KCNJ6: variants seen among roughly 807,000 people sequenced by gnomAD.
KCNJ6 encodes the protein potassium inwardly rectifying channel subfamily J member 6, also known as G protein-activated inward rectifier potassium channel 2.
A neutral mutation model predicts 34.2 loss-of-function variants in KCNJ6; 9 were observed. That is an observed-to-expected ratio of 0.26 (90% CI 0.16 to 0.46). KCNJ6 has a LOEUF of 0.46. Ranked by LOEUF, KCNJ6 falls within the 20% of genes least tolerant of loss-of-function variation. The probability of loss-of-function intolerance (pLI) is 1.00; values close to 1 mark genes in which losing one functional copy is unlikely to be tolerated. For missense variants in KCNJ6, 236 were observed against 531.3 expected, an observed-to-expected ratio of 0.44 and a Z score of 5.46; for synonymous variants, 196 against 207.1, an observed-to-expected ratio of 0.95 and a Z score of 0.46.
At chr21:37,912,238 G>A (rs983326300) in intron 1 of KCNJ6, among the ~76,000 whole-genome samples, 27 of 152,322 alleles carry the variant, frequency 1.8e-4, no homozygotes, top group Non-Finnish European at 7.4e-5. Flanking sequence ...CTTGAAATGA[G>A]TAAACCAATT....
chr21:37,854,420 C>T lies in KCNJ6; in HGVS notation c.-27-13711G>A, dbSNP rs1327718151. Among the ~76,000 whole-genome samples, 3 of 151,400 alleles carry T rather than the reference C, an allele frequency of 2.0e-5. No homozygotes were observed. The East Asian group carries it at 5.8e-4, about 29-fold the overall frequency. ...AGGCGCAGAAAGAAAAATATATGTCCTCACTCATACTTGAGAGCTAAAAAA... is the reference window on the plus strand; with the variant it reads ...AGGCGCAGAAAGAAAAATATATGTCTTCACTCATACTTGAGAGCTAAAAAA... On this transcript the variant is annotated intron_variant, in intron 1 of 3. Coordinates refer to ENST00000609713, the MANE Select transcript of KCNJ6 (RefSeq NM_002240.5).
rs140556055 is a variant in KCNJ6 at position 37,844,996 on chromosome 21, A to G, written c.-27-4287T>C. 4.5e-3 allele frequency among the ~76,000 whole-genome samples: 679 copies of G among 152,204 alleles called. 3 individuals carry two copies. The highest frequency in any genetic ancestry group is 7.7e-3 in the Non-Finnish European group (524 of 68,008). ...ACCTCCCTAGGAACCTGGACAAGTC[A>G]TTTTACTTTTGGAGCTACTGTTTCC... is the stretch of plus-strand genomic sequence containing the variant. On this transcript the variant is annotated intron_variant, in intron 1 of 3. Coordinates refer to ENST00000609713, the MANE Select transcript of KCNJ6 (RefSeq NM_002240.5).
At chr21:37,734,769 T>C (rs1210028194) in intron 2 of KCNJ6, among the ~76,000 whole-genome samples, 1 of 152,150 alleles carries the variant, frequency 6.6e-6, no homozygotes, top group Non-Finnish European at 1.5e-5. Context: ...TTGCCCACTC[T>C]GTCTCCCTCT....
At position 37,818,620 on chromosome 21, in the gene KCNJ6, C is replaced by T. The variant is rs777717732; in HGVS notation, c.25+22038G>A. On this transcript the variant is annotated intron_variant, in intron 2 of 3. Transcript: ENST00000609713. ...ATAATTTCTCCATAACGATAAGACT[C>T]GTCTCCCCCAACCCAACTGCCTTTC... 7.9e-4 allele frequency among the ~76,000 whole-genome samples: 120 copies of T among 152,296 alleles called. 1 individual carries two copies. Among genetic ancestry groups the T allele is most frequent in the Non-Finnish European group, 2.5e-4 (17 of 68,032 alleles).
chr21:37,646,155 C>T (rs1034636075), intron 3 of KCNJ6, among the ~76,000 whole-genome samples: 4 of 152,146 alleles, frequency 2.6e-5, no homozygotes, highest in African/African-American at 4.8e-5. Context: ...TATATATCAA[C>T]GGATCTCTAC....
rs1569449122 is a variant in KCNJ6, at chr21:37,707,711, T to TAGTGTGTGTGTGTGTGTGTGTGTGGGG, written c.946+6499_946+6500insCCCCACACACACACACACACACACACT. 1.5e-4 allele frequency among the ~76,000 whole-genome samples: 5 copies of TAGTGTGTGTGTGTGTGTGTGTGTGGGG among 32,982 alleles called. 1 individual carries two copies. The highest frequency in any genetic ancestry group is 2.2e-4 in the Non-Finnish European group (4 of 18,292). 21.6% of individuals were successfully genotyped at this position (32,982 alleles called of 152,430 possible). On this transcript the variant is annotated intron_variant, in intron 3 of 3. Coordinates refer to ENST00000609713, the MANE Select transcript of KCNJ6 (RefSeq NM_002240.5). ...CAGCACCTCAGGCTGCTTAGCTGTT[T>TAGTGTGTGTGTGTGTGTGTGTGTGGGG]AGTATCTGTGCATGTGTGTGTGTGA...
At chr21:37,886,040 G>T (rs1292336013) in intron 1 of KCNJ6, among the ~76,000 whole-genome samples, 1 of 152,134 alleles carries the variant, frequency 6.6e-6, no homozygotes, top group Non-Finnish European at 1.5e-5. Flanking sequence ...GACACGATTT[G>T]CTTATTACGG....
chr21:37,910,195 TG>T (rs1168200716), intron 1 of KCNJ6, among the ~76,000 whole-genome samples: 2 of 152,172 alleles, frequency 1.3e-5, no homozygotes, highest in Non-Finnish European at 2.9e-5. Flanking sequence ...ACTGAGATGC[TG>T]GGGTTGCTGT....
At chr21:37,878,023 C>T (rs1029691690) in intron 1 of KCNJ6, among the ~76,000 whole-genome samples, 1 of 152,210 alleles carries the variant, frequency 6.6e-6, no homozygotes, top group African/African-American at 2.4e-5. Flanking sequence ...TGAGAGTACA[C>T]TCCATAGGAA....
chr21:37,698,981 A>C (rs761956209), intron 3 of KCNJ6, among the ~76,000 whole-genome samples: 4 of 152,136 alleles, frequency 2.6e-5, no homozygotes, highest in Non-Finnish European at 5.9e-5. Flanking sequence ...TTTCAGGTGT[A>C]AGCCACGGCA....
rs530944357 is a variant in KCNJ6, at chr21:37,760,073, T to C, written c.26-44942A>G. On this transcript the variant is annotated intron_variant, in intron 2 of 3. Transcript: ENST00000609713. The stretch of plus-strand genomic sequence containing the variant: ...CCACGGCTACGAGCTGCTTTAGAAG[T>C]TGACTCAGCCCAGTCGAGCCTTCAG... Among the ~76,000 whole-genome samples, 139 of 152,294 alleles carry C rather than the reference T, an allele frequency of 9.1e-4. 1 individual carries two copies. Among genetic ancestry groups the C allele is most frequent in the African/African-American group, 3.2e-3 (134 of 41,566 alleles).
intron 2 of KCNJ6, among the ~76,000 whole-genome samples, chr21:37,805,815 G>T (rs993927817): frequency 1.3e-5 from 2 of 152,166 alleles, no homozygotes; most frequent in African/African-American, 4.8e-5. Flanking sequence ...GAGCTGCAGT[G>T]ATGCGTCTGC....
intron 1 of KCNJ6, among the ~76,000 whole-genome samples, chr21:37,894,882 T>A (rs1003995678): frequency 4.4e-4 from 67 of 152,306 alleles, no homozygotes; most frequent in African/African-American, 1.3e-3. Flanking sequence ...AGTTTTTTTT[T>A]AAAGAATCTA....
chr21:37,855,834 T>G (rs955665012), intron 1 of KCNJ6, among the ~76,000 whole-genome samples: 1 of 152,234 alleles, frequency 6.6e-6, no homozygotes, highest in Non-Finnish European at 1.5e-5. Flanking sequence ...TCCTAATTTT[T>G]TAAAATATCT....
intron 3 of KCNJ6, among the ~76,000 whole-genome samples, chr21:37,645,438 C>T (rs1179289938): frequency 6.6e-6 from 1 of 152,066 alleles, no homozygotes; most frequent in Non-Finnish European, 1.5e-5. Context: ...ACAAATCCAG[C>T]ACCAGGAAGA....
Position 37,864,861 on chromosome 21 carries a change from G to GTC in KCNJ6, c.-27-24154_-27-24153dup, listed in dbSNP as rs1187208830. The stretch of plus-strand genomic sequence containing the variant: ...ACATCAGTCCCCATTCTCCCCATCT[G>GTC]TCTCTCTCTCTTTTTTTTTTTTTTT... On this transcript the variant is annotated intron_variant, in intron 1 of 3. Transcript: ENST00000609713. Among the ~76,000 whole-genome samples, 185 of 146,848 alleles carry GTC rather than the reference G, an allele frequency of 1.3e-3. 8 individuals carry two copies. Among genetic ancestry groups the GTC allele is most frequent in the Middle Eastern group, 3.5e-3 (1 of 284 alleles).
At chr21:37,771,955 T>C (rs1355319907) in intron 2 of KCNJ6, among the ~76,000 whole-genome samples, 1 of 152,222 alleles carries the variant, frequency 6.6e-6, no homozygotes, top group Non-Finnish European at 1.5e-5. Flanking sequence ...ATACCCATCT[T>C]GTCTGAATAT....
chr21:37,655,250 A>G (rs796092893), intron 3 of KCNJ6, among the ~76,000 whole-genome samples: 2 of 48,052 alleles, frequency 4.2e-5, no homozygotes, highest in African/African-American at 2.0e-4. Flanking sequence ...AGAGAGAGAG[A>G]GAGAGAGAGA....
At chr21:37,809,434 G>A (rs549122643) in intron 2 of KCNJ6, among the ~76,000 whole-genome samples, 1 of 151,942 alleles carries the variant, frequency 6.6e-6, no homozygotes, top group South Asian at 2.1e-4. Flanking sequence ...TAAATGACGA[G>A]TTAATGGGTG....
Sources: gnomAD v4.1 joint callset for allele counts (sites outside exome capture counted in the v4.1 genomes callset) on GRCh38, gnomAD v4.1.1 for gene constraint, MANE v1.5 for transcripts, NCBI Gene and HGNC (gene_info 2026-07-23, HGNC 2026-07-21) for gene names.